SGSM3: variants seen among roughly 807,000 people sequenced by gnomAD.
SGSM3 encodes the protein RUN and SH3 containing 3.
Under a neutral mutation model 100.5 loss-of-function variants are expected in SGSM3, and 96 were observed. The observed-to-expected ratio is 0.96, with a 90% CI of 0.81 to 1.13. The LOEUF (loss-of-function observed/expected upper bound fraction) is 1.13. Among genes scored for constraint, SGSM3 ranks in the 50% most tolerant of loss-of-function variants. The probability of loss-of-function intolerance (pLI) is 0.00; values close to 1 mark genes in which losing one functional copy is unlikely to be tolerated. For missense variants in SGSM3, 1,001 were observed against 1,015.8 expected (o/e 0.99, Z 0.20); for synonymous variants, 483 against 422.8 (o/e 1.14, Z -1.75).
rs201620185 is a variant in SGSM3, at chr22:40,406,543, C to T, written c.1066C>T (p.Arg356Trp). The T allele has an allele frequency of 2.3e-5, 37 of 1,612,734 alleles. No individual in the cohort carries two copies. The highest frequency in any genetic ancestry group is 1.9e-4 in the South Asian group (17 of 91,028). The change falls in exon 10 of 22, where the codon CGG becomes TGG. Residue 356 changes from arginine (R) to tryptophan (W), a missense_variant. Arg to Trp is a moderately radical substitution (Grantham distance 101). Transcript: ENST00000248929. ...DAELLLGVAM[R>W]LAGSLTDVAV... ...GGAGCTGCTTCTGGGGGTGGCCATGCGGCTGGCCGGCTCCCTCACCGATGT... is the reference window on the plus strand; with the variant it reads ...GGAGCTGCTTCTGGGGGTGGCCATGTGGCTGGCCGGCTCCCTCACCGATGT...
At position 40,408,396 on chromosome 22, in the gene SGSM3, G is replaced by A. The variant is rs1214639468; in HGVS notation, c.1749G>A (p.Gly583=). The change falls in exon 16 of 22, where the codon GGG becomes GGA. Residue 583 remains glycine, a synonymous_variant. Transcript: ENST00000248929. ...EHGLKKPSLL[G]GACHPWLFIE... Reference sequence around the variant, plus strand: ...GACTGAAGAAGCCATCCCTGCTTGGGGGCGCCTGCCACCCCTGGCTGTTTA... The same window carrying A: ...GACTGAAGAAGCCATCCCTGCTTGGAGGCGCCTGCCACCCCTGGCTGTTTA... 11 of 1,613,506 alleles carry A rather than the reference G, an allele frequency of 6.8e-6. No individual in the cohort carries two copies. Among genetic ancestry groups the A allele is most frequent in the Non-Finnish European group, 9.3e-6 (11 of 1,179,974 alleles).
At position 40,405,209 on chromosome 22, in the gene SGSM3, G is replaced by A. The variant is rs1321918406; in HGVS notation, c.543G>A (p.Val181=). The A allele has an allele frequency of 1.3e-6, 2 of 1,588,174 alleles. No homozygotes were observed. The highest frequency in any genetic ancestry group is 8.6e-7 in the Non-Finnish European group (1 of 1,166,180). ...TCGCCAGCATGGGTAGCATCGGGGT[G>A]CCCCGCCTGCGCAGGGTGCTCCGGG... ...ACFASMGSIG[V]PRLRRVLRAL... is the part of the protein sequence containing the mutation. The change falls in exon 7 of 22, where the codon GTG becomes GTA. Residue 181 remains valine (V), a synonymous_variant. Transcript: ENST00000248929.
chr22:40,408,545 G>GTGAC, intron 16 of SGSM3, 82 bp from the exon 17 acceptor site: 3 of 1,592,302 alleles, frequency 1.9e-6, no homozygotes, highest in Non-Finnish European at 2.6e-6. Flanking sequence ...TGGCAGCGTG[G>GTGAC]TGACAGGTGC....
chr22:40,382,730 T>G (rs1444765427), intron 1 of SGSM3, among the ~76,000 whole-genome samples: 3 of 152,226 alleles, frequency 2.0e-5, no homozygotes, highest in African/African-American at 7.2e-5. Context: ...GAAGAGCATG[T>G]GTGAGATACG....
In SGSM3 at chr22:40,407,975, G is replaced by A; in HGVS notation, c.1580-96G>A. On this transcript the variant is annotated intron_variant, in intron 14 of 21. Transcript: ENST00000248929. The surrounding 1 kb of genome is among the most constrained non-coding windows in gnomAD (Gnocchi z 4.7). Reference sequence around the variant, plus strand: ...CTGGCTTGAGGTCCCTGAAGCAGCTGAGCCGGCTTCCCACTGCCTCAGCCT... The same window carrying A: ...CTGGCTTGAGGTCCCTGAAGCAGCTAAGCCGGCTTCCCACTGCCTCAGCCT... 2.0e-6 allele frequency: 3 copies of A among 1,479,300 alleles called. No individual in the cohort carries two copies. The highest frequency in any genetic ancestry group is 2.3e-5 in the East Asian group (1 of 43,990). The allele number at this position is 1,479,300 out of a possible 1,614,324, so 91.6% of individuals were successfully genotyped here. A position where few individuals can be genotyped will look rare whatever the true frequency, so the allele number is the denominator to read the frequency against.
At position 40,407,024 on chromosome 22, in the gene SGSM3, G is replaced by A. The variant is rs770184924; in HGVS notation, c.1193G>A (p.Arg398His). Reference protein sequence around the residue: ...GTLTNLSQVVRRRTQRRKSTI... With the variant: ...GTLTNLSQVVHRRTQRRKSTI... ...CCACTCCTCTTGGTGCAGGTTGTTC[G>A]CCGCAGGACCCAGCGGAGGAAGTCC... is the stretch of plus-strand genomic sequence containing the variant. Residue 398 changes from arginine (R) to histidine (H), a missense_variant, in exon 11 of 22, where the codon CGC becomes CAC. Transcript: ENST00000248929. This position sits in a 1 kb window ranked among gnomAD's most constrained non-coding sequence, Gnocchi z 4.7. The A allele has an allele frequency of 8.9e-6, 14 of 1,575,720 alleles. No homozygotes were observed. The highest frequency in any genetic ancestry group is 2.3e-5 in the East Asian group (1 of 42,902).
At chr22:40,408,503 C>G in intron 16 of SGSM3, 74 bp downstream of exon 16, 1 of 1,594,060 alleles carries the variant, frequency 6.3e-7, no homozygotes, top group Non-Finnish European at 8.6e-7. Context: ...CATCTTAGGT[C>G]CTTCCTGCCC....
rs756864470 is a variant in SGSM3, at chr22:40,404,393, C to G, written c.304C>G (p.Pro102Ala). The change falls in exon 5 of 22, where the codon CCC becomes GCC. Residue 102 changes from proline (P) to alanine (A), a missense_variant. Pro to Ala is a conservative substitution (Grantham distance 27). Coordinates refer to ENST00000248929, the MANE Select transcript of SGSM3 (RefSeq NM_015705.6). Reference sequence around the variant, plus strand: ...CTGGGACAAGATTGCCGTCTCCCTACCCCGCTCTGAGAAGCTCCGCTCCCT... The same window carrying G: ...CTGGGACAAGATTGCCGTCTCCCTAGCCCGCTCTGAGAAGCTCCGCTCCCT... ...LTWDKIAVSL[P>A]RSEKLRSLVL... 5.6e-6 allele frequency: 9 copies of G among 1,608,932 alleles called. No homozygotes were observed. Among genetic ancestry groups the G allele is most frequent in the Middle Eastern group, 1.7e-4 (1 of 6,036 alleles).
In SGSM3 at chr22:40,404,494, T is replaced by C. The variant is rs575011897; in HGVS notation, c.366+39T>C. 8 of 1,610,614 alleles carry C rather than the reference T, an allele frequency of 5.0e-6. No homozygotes were observed. In the South Asian group the frequency reaches 7.7e-5, roughly 16 times the overall value. On this transcript the variant is annotated intron_variant, in intron 5 of 21. Transcript: ENST00000248929. ...AGGGACCCACAGGGTGTTGAGAGGG[T>C]CCTGGCCCCATGATCAGGTGTCACG...
intron 19 of SGSM3, 32 bp downstream of exon 19, chr22:40,409,050 C>T: frequency 6.4e-7 from 1 of 1,554,664 alleles, no homozygotes; most frequent in Non-Finnish European, 8.7e-7. Context: ...GAGGAGAGCC[C>T]TGGAGTGGGG....
At position 40,409,322 on chromosome 22, in the gene SGSM3, C is replaced by T; in HGVS notation, c.2061C>T (p.Pro687=). 1 of 1,613,300 alleles carries T rather than the reference C, an allele frequency of 6.2e-7. No individual in the cohort carries two copies. Among genetic ancestry groups the T allele is most frequent in the Non-Finnish European group, 8.5e-7 (1 of 1,179,880 alleles). The part of the protein sequence containing the change: ...SLPTVEKWYQ[P]WSFLRSPGWV... ...CCACCGTGGAGAAGTGGTACCAGCC[C>T]TGGTCCTTCCTGCGCAGCCCGGGCT... The change falls in exon 20 of 22, where the codon CCC becomes CCT. Residue 687 remains proline, a synonymous_variant. Coordinates refer to ENST00000248929, the MANE Select transcript of SGSM3 (RefSeq NM_015705.6).
Position 40,407,182 on chromosome 22 carries a change from G to C in SGSM3, c.1241-19G>C. The C allele has an allele frequency of 1.9e-6, 3 of 1,612,976 alleles. No individual in the cohort carries two copies. The highest frequency in any genetic ancestry group is 4.5e-5 in the East Asian group (2 of 44,824). ...GCCTGGAGTGGGCTGTGGTCACCAT[G>C]GTTCTCTGGGCCTCCTAGGGGAGGA... On this transcript the variant is annotated intron_variant, in intron 11 of 21. Transcript: ENST00000248929. The surrounding 1 kb of genome is among the most constrained non-coding windows in gnomAD (Gnocchi z 4.7).
Position 40,404,239 on chromosome 22 carries a change from C to G in SGSM3, c.158-8C>G, listed in dbSNP as rs2051141127. 6.6e-7 allele frequency: 1 copy of G among 1,508,456 alleles called. No individual in the cohort carries two copies. The highest frequency in any genetic ancestry group is 2.3e-5 in the Admixed American group (1 of 43,732). The allele number at this position is 1,508,456 out of a possible 1,614,324, so 93.4% of individuals were successfully genotyped here. Reference sequence around the variant, plus strand: ...CTTTTTCTTTCCTCCTTGGCTCTCTCTTGGCAGAAGGTGATGAGCCTGGCT... The same window carrying G: ...CTTTTTCTTTCCTCCTTGGCTCTCTGTTGGCAGAAGGTGATGAGCCTGGCT... On this transcript the variant is annotated splice_polypyrimidine_tract_variant and splice_region_variant and intron_variant, in intron 4 of 21. Transcript: ENST00000248929.
chr22:40,408,639 G>A lies in SGSM3; in HGVS notation c.1795G>A (p.Glu599Lys). ...GCTGTCCCCACAGGCTGCAGGCCGG[G>A]AGGTCGAGAGAGACTTTGCCTCCGT... ...WLFIEEAAGR[E>K]VERDFASVYS... Residue 599 changes from glutamate (E) to lysine (K), a missense_variant, in exon 17 of 22, where the codon GAG becomes AAG. Coordinates refer to ENST00000248929, the MANE Select transcript of SGSM3 (RefSeq NM_015705.6). The A allele has an allele frequency of 6.2e-7, 1 of 1,613,988 alleles. No homozygotes were observed. Among genetic ancestry groups the A allele is most frequent in the Non-Finnish European group, 8.5e-7 (1 of 1,180,020 alleles).
Position 40,400,676 on chromosome 22 carries a change from C to T in SGSM3, c.-111-20C>T. 1.1e-6 allele frequency: 1 copy of T among 890,836 alleles called. No individual in the cohort carries two copies. The highest frequency in any genetic ancestry group is 1.5e-5 in the South Asian group (1 of 64,934). 55.2% of individuals were successfully genotyped at this position (890,836 alleles called of 1,614,324 possible). ...ATAAAAATAAAAATAGAATGACTTT[C>T]CTCTTTTCTCTTCTAACAGGGCAGA... On this transcript the variant is annotated intron_variant, in intron 1 of 21. Transcript: ENST00000248929.
chr22:40,377,672 CA>C lies in SGSM3; in HGVS notation c.-112+6993del, dbSNP rs964048754. Among the ~76,000 whole-genome samples, 26 of 150,518 alleles carry C rather than the reference CA, an allele frequency of 1.7e-4. No individual in the cohort carries two copies. In the South Asian group the frequency reaches 4.2e-3, roughly 24 times the overall value. On this transcript the variant is annotated intron_variant, in intron 1 of 21. Transcript: ENST00000248929. Reference sequence around the variant, plus strand: ...GCAACATAATGGGAACCTGTCTCTACAAAAAAAAACTTTAAAAATTATAAAT... The same window carrying C: ...GCAACATAATGGGAACCTGTCTCTACAAAAAAAACTTTAAAAATTATAAAT...
intron 1 of SGSM3, among the ~76,000 whole-genome samples, chr22:40,381,291 G>A (rs1174207504): frequency 1.3e-5 from 2 of 152,060 alleles, no homozygotes; most frequent in East Asian, 1.9e-4. Context: ...GGGACTACAG[G>A]TGTGCACCAC....
At chr22:40,377,412 G>GT (rs1198164164) in intron 1 of SGSM3, among the ~76,000 whole-genome samples, 1 of 152,128 alleles carries the variant, frequency 6.6e-6, no homozygotes, top group Admixed American at 6.6e-5. Flanking sequence ...CTTTTCCTTG[G>GT]TTTTATGTCC....
At chr22:40,402,070 G>A in intron 3 of SGSM3, 69 bp from the exon 4 acceptor site, 2 of 1,168,404 alleles carry the variant, frequency 1.7e-6, no homozygotes, top group East Asian at 2.3e-5. Flanking sequence ...CCCTGTGGGT[G>A]GCATCTTTCA....
Sources: allele counts gnomAD v4.1 joint callset (sites outside exome capture counted in the v4.1 genomes callset), GRCh38; gene constraint gnomAD v4.1.1; non-coding constraint Gnocchi (gnomAD v3.1); transcripts MANE v1.5; gene names NCBI Gene and HGNC (gene_info 2026-07-23, HGNC 2026-07-21).